Variants in ERICH3 observed in about 807,000 individuals in gnomAD.
ERICH3 encodes glutamate-rich protein 3.
A neutral mutation model predicts 131.1 loss-of-function variants in ERICH3; 126 were observed. The ratio of observed to expected loss-of-function variants is 0.96; its 90% CI spans 0.83 to 1.11. ERICH3 has a LOEUF of 1.11. Among genes scored for constraint, ERICH3 ranks in the 50% most tolerant of loss-of-function variants. The pLI is 0.00. For missense variants in ERICH3, 2,050 were observed against 1,810.7 expected, an observed-to-expected ratio of 1.13 and a Z score of -2.40; for synonymous variants, 695 against 644.6, an observed-to-expected ratio of 1.08 and a Z score of -1.18.
chr1:74,584,086 G>A (rs990034615), intron 12 of ERICH3, among the ~76,000 whole-genome samples: 6 of 152,086 alleles, frequency 3.9e-5, no homozygotes, highest in Admixed American at 1.3e-4. Flanking sequence ...GTAGCCAGTC[G>A]ATTACCTTCC....
intron 7 of ERICH3, among the ~76,000 whole-genome samples, chr1:74,628,431 T>C (rs1206644568): frequency 6.6e-6 from 1 of 152,190 alleles, no homozygotes; most frequent in African/African-American, 2.4e-5. Flanking sequence ...AGTACAGTAG[T>C]ATAAATGTAT....
At chr1:74,597,910 A>G (rs778887284) in intron 11 of ERICH3, among the ~76,000 whole-genome samples, 3 of 151,958 alleles carry the variant, frequency 2.0e-5, no homozygotes, top group African/African-American at 4.8e-5. Context: ...CATCTCCTGT[A>G]TCTATCCTCT....
At chr1:74,656,705 T>C (rs942732900) in intron 1 of ERICH3, among the ~76,000 whole-genome samples, 3 of 152,312 alleles carry the variant, frequency 2.0e-5, no homozygotes, top group East Asian at 3.9e-4. Flanking sequence ...AATACCCACA[T>C]AGAATCTGGC....
At chr1:74,617,711 G>C (rs1649037079) in intron 8 of ERICH3, among the ~76,000 whole-genome samples, 1 of 152,216 alleles carries the variant, frequency 6.6e-6, no homozygotes, top group South Asian at 2.1e-4. Flanking sequence ...AACTGTCAAA[G>C]AGAACAAGGG....
In ERICH3 at chr1:74,631,700, G is replaced by C. The variant is rs1455744646; in HGVS notation, c.819+13C>G. The C allele has an allele frequency of 8.2e-6, 13 of 1,590,326 alleles. No individual in the cohort carries two copies. Among genetic ancestry groups the C allele is most frequent in the Admixed American group, 1.7e-5 (1 of 59,658 alleles). ...AGATAAATTAATAAAAGAAAAATTTGTTCCATAATCACCTTTGTCAAAAGA... is the reference window on the plus strand; with the variant it reads ...AGATAAATTAATAAAAGAAAAATTTCTTCCATAATCACCTTTGTCAAAAGA... On this transcript the variant is annotated intron_variant, in intron 7 of 14. Transcript: ENST00000326665.
chr1:74,620,437 T>G (rs563882653), intron 8 of ERICH3, among the ~76,000 whole-genome samples: 3 of 152,292 alleles, frequency 2.0e-5, no homozygotes, highest in Non-Finnish European at 4.4e-5. Flanking sequence ...ACTTGGAATT[T>G]CGGGGACAGC....
chr1:74,590,196 A>G, intron 11 of ERICH3, 116 bp from the exon 12 acceptor site: 2 of 899,880 alleles, frequency 2.2e-6, no homozygotes, highest in Non-Finnish European at 3.2e-6. Context: ...TTTAATATAG[A>G]CCTGATATCC....
At chr1:74,664,332 C>T (rs1354420081) in intron 1 of ERICH3, among the ~76,000 whole-genome samples, 1 of 151,498 alleles carries the variant, frequency 6.6e-6, no homozygotes, top group African/African-American at 2.4e-5. Flanking sequence ...AAACTTGTAT[C>T]CCTAGTACCC....
chr1:74,607,648 C>T (rs1290718399), intron 9 of ERICH3, among the ~76,000 whole-genome samples: 1 of 151,770 alleles, frequency 6.6e-6, no homozygotes, highest in Non-Finnish European at 1.5e-5. Flanking sequence ...TCAAAAATGG[C>T]AGTAATTTAT....
At chr1:74,662,677 T>A (rs1379130475) in intron 1 of ERICH3, among the ~76,000 whole-genome samples, 3 of 152,154 alleles carry the variant, frequency 2.0e-5, no homozygotes, top group Non-Finnish European at 4.4e-5. Context: ...ATTAGAGGCA[T>A]TAACTTCTCC....
In ERICH3 at chr1:74,631,904, T is replaced by A; in HGVS notation, c.628A>T (p.Arg210Trp). ...CTCTGTGAATTGCCTATGGAGTTCCTGAACTTCATCACTGCCTTCTTGCCC... is the reference window on the plus strand; with the variant it reads ...CTCTGTGAATTGCCTATGGAGTTCCAGAACTTCATCACTGCCTTCTTGCCC... ...IGGKKAVMKF[R>W]NSIGNSQRMN... The change falls in exon 7 of 15, where the codon AGG becomes TGG. Residue 210 changes from arginine (R) to tryptophan (W), a missense_variant. By Grantham distance (101) the Arg-to-Trp change is moderately radical. Coordinates refer to ENST00000326665, the MANE Select transcript of ERICH3 (RefSeq NM_001002912.5). 3 of 1,612,838 alleles carry A rather than the reference T, an allele frequency of 1.9e-6. No homozygotes were observed. The highest frequency in any genetic ancestry group is 2.5e-6 in the Non-Finnish European group (3 of 1,179,082).
intron 8 of ERICH3, among the ~76,000 whole-genome samples, chr1:74,618,238 C>G (rs1187549851): frequency 6.6e-6 from 1 of 152,028 alleles, no homozygotes. Context: ...TGACTGAAAG[C>G]TATTGGGATA....
chr1:74,670,199 G>A lies in ERICH3; in HGVS notation c.23+3298C>T, dbSNP rs185647235. On this transcript the variant is annotated intron_variant, in intron 1 of 14. Transcript: ENST00000326665. The stretch of plus-strand genomic sequence containing the variant: ...AAAATGTATACACACACACTATTAC[G>A]AAATTAGCCTCTAATCATCTATCAA... Among the ~76,000 whole-genome samples, 240 of 151,948 alleles carry A rather than the reference G, an allele frequency of 1.6e-3. 1 individual carries two copies. Among genetic ancestry groups the A allele is most frequent in the African/African-American group, 5.5e-3 (228 of 41,402 alleles).
intron 12 of ERICH3, among the ~76,000 whole-genome samples, chr1:74,584,920 A>G (rs1330439131): frequency 6.6e-6 from 1 of 152,126 alleles, no homozygotes; most frequent in Non-Finnish European, 1.5e-5. Context: ...TTGTTCTTTC[A>G]TCAGGACCAT....
Position 74,599,703 on chromosome 1 carries a change from T to C in ERICH3, c.1718A>G (p.Asp573Gly). Residue 573 changes from aspartate (D) to glycine (G), a missense_variant, in exon 11 of 15, where the codon GAT becomes GGT. By Grantham distance (94) the Asp-to-Gly change is moderately conservative. Transcript: ENST00000326665. ...DGCSESELEE[D>G]KQDMKTASST... Reference sequence around the variant, plus strand: ...TAAGCTGAACAACTCGCCTTGTTTATCCTCTTCCAGTTCACTCTCAGAGCA... The same window carrying C: ...TAAGCTGAACAACTCGCCTTGTTTACCCTCTTCCAGTTCACTCTCAGAGCA... 1 of 1,607,844 alleles carries C rather than the reference T, an allele frequency of 6.2e-7. No homozygotes were observed. The highest frequency in any genetic ancestry group is 8.5e-7 in the Non-Finnish European group (1 of 1,177,274).
intron 5 of ERICH3, among the ~76,000 whole-genome samples, chr1:74,637,597 T>C (rs898096145): frequency 5.3e-5 from 8 of 152,134 alleles, no homozygotes; most frequent in African/African-American, 1.7e-4. Flanking sequence ...TTTTGGGGCA[T>C]TGAAAGAATA....
In ERICH3 at chr1:74,573,066, T is replaced by A. The variant is rs1204218928; in HGVS notation, c.2644A>T (p.Met882Leu). 4.3e-6 allele frequency: 7 copies of A among 1,614,082 alleles called. No homozygotes were observed. Among genetic ancestry groups the A allele is most frequent in the Non-Finnish European group, 5.9e-6 (7 of 1,180,028 alleles). Residue 882 changes from methionine to leucine, a missense_variant, in exon 14 of 15, where the codon ATG becomes TTG. Transcript: ENST00000326665. ...KDEAPEKQAL[M>L]LTVLETDKAA... ...TTGTCTGTCTCAAGCACTGTGAGCA[T>A]CAAGGCTTGCTTTTCAGGAGCCTCA...
At chr1:74,666,246 G>C (rs1011084448) in intron 1 of ERICH3, among the ~76,000 whole-genome samples, 4 of 152,062 alleles carry the variant, frequency 2.6e-5, no homozygotes, top group African/African-American at 9.7e-5. Context: ...ATACAAAAGA[G>C]ACAAGGGGAT....
intron 11 of ERICH3, among the ~76,000 whole-genome samples, chr1:74,595,403 A>C (rs1570840068): frequency 6.6e-6 from 1 of 152,094 alleles, no homozygotes; most frequent in South Asian, 2.1e-4. Context: ...GATAGTTATT[A>C]TTATCAGATG....
Sources: gnomAD v4.1 joint callset for allele counts (sites outside exome capture counted in the v4.1 genomes callset) on GRCh38, gnomAD v4.1.1 for gene constraint, MANE v1.5 for transcripts, NCBI Gene and HGNC (gene_info 2026-07-23, HGNC 2026-07-21) for gene names.